The following PLAAT1 variants were observed in gnomAD, a reference collection of about 807,000 sequenced individuals.
PLAAT1 encodes H-REV107 protein-related protein.
A neutral mutation model predicts 16.4 loss-of-function variants in PLAAT1; 13 were observed. That is an observed-to-expected ratio of 0.79 (90% CI 0.52 to 1.26). The LOEUF is 1.26. Ranked by LOEUF, PLAAT1 falls within the 50% of genes most tolerant of loss-of-function variation. The pLI, the probability that PLAAT1 is intolerant of heterozygous loss-of-function variation, is 0.00. For synonymous variants in PLAAT1, 73 were observed against 78.4 expected, an observed-to-expected ratio of 0.93 and a Z score of 0.36; for missense variants, 218 against 207.8, an observed-to-expected ratio of 1.05 and a Z score of -0.30.
intron 1 of PLAAT1, among the ~76,000 whole-genome samples, chr3:193,251,813 C>A (rs1224990962): frequency 6.6e-6 from 1 of 152,040 alleles, no homozygotes; most frequent in African/African-American, 2.4e-5. Context: ...TTCTGCCTTT[C>A]TTTTGGAGAT....
At chr3:193,271,033 G>A (rs1371384393), downstream of PLAAT1, among the ~76,000 whole-genome samples, 2 of 152,110 alleles carry the variant, frequency 1.3e-5, no homozygotes, top group East Asian at 3.8e-4. Flanking sequence ...TTTGCCAGAG[G>A]CATGAAAGAC....
At chr3:193,258,467 G>T (rs997775736) in intron 2 of PLAAT1, among the ~76,000 whole-genome samples, 1 of 97,936 alleles carries the variant, frequency 1.0e-5, no homozygotes, top group African/African-American at 4.4e-5. Flanking sequence ...ACAAAACAAA[G>T]AATTTGTTTT....
intron 3 of PLAAT1, among the ~76,000 whole-genome samples, chr3:193,270,268 T>C (rs1716940097): frequency 6.6e-6 from 1 of 152,164 alleles, no homozygotes; most frequent in African/African-American, 2.4e-5. Flanking sequence ...ATCCCAAGTT[T>C]TGCAAAACAA....
At chr3:193,240,796 G>C, upstream of PLAAT1, among the ~76,000 whole-genome samples, 1 of 152,012 alleles carries the variant, frequency 6.6e-6, no homozygotes. Context: ...CTGACTCAAA[G>C]ACCCAGAGGC....
downstream of PLAAT1, among the ~76,000 whole-genome samples, chr3:193,278,753 A>G (rs1717342739): frequency 6.6e-6 from 1 of 152,144 alleles, no homozygotes; most frequent in Admixed American, 6.5e-5. Context: ...ACTCTTTTCA[A>G]GTATGGATAG....
intron 1 of PLAAT1, among the ~76,000 whole-genome samples, chr3:193,250,818 GC>G (rs1246747047): frequency 6.6e-6 from 1 of 152,076 alleles, no homozygotes; most frequent in East Asian, 1.9e-4. Flanking sequence ...ACATGAAGAA[GC>G]CCCTGCCCTG....
At position 193,241,229 on chromosome 3, in the gene PLAAT1, C is replaced by T. The variant is rs1015147394; in HGVS notation, c.-305C>T. On this transcript the variant is annotated 5_prime_UTR_variant, in exon 1 of 4. Coordinates refer to ENST00000264735, the MANE Select transcript of PLAAT1 (RefSeq NM_020386.5). ...AGCGGGCGGCTCCCCATGGTCAGAG[C>T]CTCGTGCCGGCTCGGCAGCGCCCGG... is the stretch of plus-strand genomic sequence containing the variant. 1.5e-4 allele frequency: 181 copies of T among 1,224,812 alleles called. No homozygotes were observed. In the African/African-American group the frequency reaches 2.5e-3, roughly 17 times the overall value. The allele number at this position is 1,224,812 out of a possible 1,614,324, so 75.9% of individuals were successfully genotyped here. A position where few individuals can be genotyped will look rare whatever the true frequency, so the allele number is the denominator to read the frequency against.
intron 1 of PLAAT1, among the ~76,000 whole-genome samples, chr3:193,243,621 G>A (rs1715863494): frequency 1.3e-5 from 2 of 152,192 alleles, no homozygotes; most frequent in South Asian, 2.1e-4. Context: ...GGTTAATGAT[G>A]TTAATCAATG....
chr3:193,255,559 A>G (rs1716343642), intron 1 of PLAAT1, 92 bp from the exon 2 acceptor site: 1 of 1,280,886 alleles, frequency 7.8e-7, no homozygotes, highest in Admixed American at 2.3e-5. Flanking sequence ...GTCTCAATAA[A>G]TTCTGTATCA....
At chr3:193,244,761 C>T (rs183981883) in intron 1 of PLAAT1, among the ~76,000 whole-genome samples, 8 of 152,206 alleles carry the variant, frequency 5.3e-5, no homozygotes, top group Non-Finnish European at 1.2e-4. Flanking sequence ...GGTAAGGGGG[C>T]TGAGTATGCT....
chr3:193,276,804 C>A (rs1319983718), intron 2 of PLAAT1: 2 of 1,613,542 alleles, frequency 1.2e-6, no homozygotes, highest in Non-Finnish European at 8.5e-7. Context: ...AAATTAAAAC[C>A]CTCCACGATG....
chr3:193,279,544 CA>C (rs1717386606), downstream of PLAAT1: 3 of 939,040 alleles, frequency 3.2e-6, no homozygotes, highest in Admixed American at 5.9e-5. Context: ...CTCTGTTGGG[CA>C]AATACCAGAT....
At chr3:193,279,163 C>A (rs1695423738), downstream of PLAAT1, among the ~76,000 whole-genome samples, 1 of 151,892 alleles carries the variant, frequency 6.6e-6, no homozygotes, top group South Asian at 2.1e-4. Context: ...GATAAATGTA[C>A]CCAATAATAT....
chr3:193,248,928 A>G (rs1283768348), intron 1 of PLAAT1, among the ~76,000 whole-genome samples: 3 of 151,994 alleles, frequency 2.0e-5, no homozygotes, highest in East Asian at 1.9e-4. Flanking sequence ...CCATGTTGCT[A>G]CTTAGTGATA....
intron 1 of PLAAT1, among the ~76,000 whole-genome samples, chr3:193,247,902 A>G (rs1416187376): frequency 9.9e-5 from 15 of 152,170 alleles, no homozygotes; most frequent in African/African-American, 4.8e-5. Flanking sequence ...TGTATATTCA[A>G]TTGTTGTTGG....
intron 1 of PLAAT1, among the ~76,000 whole-genome samples, chr3:193,243,434 G>A (rs1023651749): frequency 5.3e-5 from 8 of 152,306 alleles, no homozygotes; most frequent in African/African-American, 1.9e-4. Context: ...AACTGGAAAG[G>A]TGCAGGGATT....
intron 3 of PLAAT1, among the ~76,000 whole-genome samples, chr3:193,267,244 C>T (rs1010295554): frequency 2.0e-5 from 3 of 152,068 alleles, no homozygotes; most frequent in South Asian, 2.1e-4. Context: ...CATTAGGGTT[C>T]GCTGGTTATG....
chr3:193,278,458 C>T (rs577336795), downstream of PLAAT1, among the ~76,000 whole-genome samples: 1 of 152,280 alleles, frequency 6.6e-6, no homozygotes, highest in African/African-American at 2.4e-5. Context: ...AGCACATGGC[C>T]TCAGTTTTAG....
chr3:193,253,112 T>G (rs2108786434), intron 1 of PLAAT1, among the ~76,000 whole-genome samples: 1 of 152,328 alleles, frequency 6.6e-6, no homozygotes, highest in East Asian at 1.9e-4. Flanking sequence ...ACCATTAGAT[T>G]AGATAATATC....
Sources: allele counts gnomAD v4.1 joint callset (sites outside exome capture counted in the v4.1 genomes callset), GRCh38; gene constraint gnomAD v4.1.1; transcripts MANE v1.5; gene names NCBI Gene and HGNC (gene_info 2026-07-23, HGNC 2026-07-21).